The following CADPS variants were observed in gnomAD, a reference collection of about 807,000 sequenced individuals.
The protein encoded by CADPS is calcium dependent secretion activator.
Under a neutral mutation model 167.3 loss-of-function variants are expected in CADPS, and 57 were observed. The observed-to-expected ratio is 0.34, with a 90% confidence interval of 0.28 to 0.42. CADPS has a LOEUF of 0.42. CADPS is among the 20% of genes least tolerant of loss of function. The probability of loss-of-function intolerance (pLI) is 1.00; values close to 1 mark genes in which losing one functional copy is unlikely to be tolerated. For synonymous variants in CADPS, 676 were observed against 635.3 expected, an observed-to-expected ratio of 1.06 and a Z score of -0.96; for missense variants, 1,414 against 1,738.1, an observed-to-expected ratio of 0.81 and a Z score of 3.32.
intron 3 of CADPS, among the ~76,000 whole-genome samples, chr3:62,711,640 G>T (rs1317466985): frequency 1.3e-5 from 2 of 152,200 alleles, no homozygotes; most frequent in Non-Finnish European, 2.9e-5. Flanking sequence ...AGGCTGAAGT[G>T]ATTGTCCACT....
chr3:62,816,849 C>G (rs1385741811), intron 1 of CADPS, among the ~76,000 whole-genome samples: 1 of 152,148 alleles, frequency 6.6e-6, no homozygotes, highest in Non-Finnish European at 1.5e-5. Flanking sequence ...TCTCTTTAGT[C>G]CACAGTGACA....
At chr3:62,583,086 T>A (rs2083772066) in intron 8 of CADPS, among the ~76,000 whole-genome samples, 1 of 151,930 alleles carries the variant, frequency 6.6e-6, no homozygotes, top group Non-Finnish European at 1.5e-5. Context: ...AAAAAGCACT[T>A]TAGAGGACAG....
intron 8 of CADPS, among the ~76,000 whole-genome samples, chr3:62,573,206 C>T (rs2081605552): frequency 6.6e-6 from 1 of 152,150 alleles, no homozygotes; most frequent in Non-Finnish European, 1.5e-5. Flanking sequence ...TAAATCTTCC[C>T]TAGAGTACCT....
At chr3:62,839,287 C>T (rs762456060) in intron 1 of CADPS, among the ~76,000 whole-genome samples, 14 of 152,008 alleles carry the variant, frequency 9.2e-5, no homozygotes, top group Non-Finnish European at 1.3e-4. Flanking sequence ...CTCTGCCTCC[C>T]GGGTTTAAGC....
chr3:62,603,060 G>A (rs751087286), intron 6 of CADPS, among the ~76,000 whole-genome samples: 5 of 152,306 alleles, frequency 3.3e-5, no homozygotes, highest in Non-Finnish European at 5.9e-5. Context: ...ACTTCACCAC[G>A]AAGCAATTGT....
chr3:62,817,338 C>T lies in CADPS; in HGVS notation c.442-51354G>A, dbSNP rs117145929. On this transcript the variant is annotated intron_variant, in intron 1 of 29. Coordinates refer to ENST00000383710, the MANE Select transcript of CADPS (RefSeq NM_003716.4). Reference sequence around the variant, plus strand: ...TCGCAAATCAATTTCAGCACACTTTCCTGAGGAAGAGGGAAGGGTCTCTGC... The same window carrying T: ...TCGCAAATCAATTTCAGCACACTTTTCTGAGGAAGAGGGAAGGGTCTCTGC... 2.6e-3 allele frequency among the ~76,000 whole-genome samples: 389 copies of T among 152,240 alleles called. 12 individuals are homozygous for T. In the East Asian group the frequency reaches 0.068, roughly 27 times the overall value.
At chr3:62,572,592 C>CACCTATTCTATGATTTACTTG (rs1440058777) in intron 8 of CADPS, among the ~76,000 whole-genome samples, 8 of 152,132 alleles carry the variant, frequency 5.3e-5, no homozygotes, top group African/African-American at 1.9e-4. Context: ...TCATTGGTCC[C>CACCTATTCTATGATTTACTTG]ACATCTGTTC....
intron 1 of CADPS, chr3:62,779,843 C>A (rs190483233): frequency 7.6e-5 from 18 of 235,488 alleles, no homozygotes; most frequent in Non-Finnish European, 1.1e-4. Flanking sequence ...TTTTAGAAGA[C>A]TAAACTGGGA....
At chr3:62,672,435 G>A (rs1306436850) in intron 3 of CADPS, among the ~76,000 whole-genome samples, 1 of 152,176 alleles carries the variant, frequency 6.6e-6, no homozygotes, top group Admixed American at 6.5e-5. Flanking sequence ...TCCCTTGGTA[G>A]TAAGAGCCTG....
chr3:62,399,478 T>C lies in CADPS; in HGVS notation c.3990A>G (p.Ser1330=). ...NRLTVEEATA[S]VSEGGGLQGI... ...CCTGCAGTCCCCCACCTTCACTCAC[T>C]GATGCTGTGGCTTCCTCCACAGTGA... Residue 1330 remains serine, a synonymous_variant, in exon 30 of 30, where the codon TCA becomes TCG. Transcript: ENST00000383710. The surrounding 1 kb of genome is among the most constrained non-coding windows in gnomAD (Gnocchi z 5.6). 6.2e-7 allele frequency: 1 copy of C among 1,614,200 alleles called. No homozygotes were observed.
chr3:62,794,889 C>T (rs2093283846), intron 1 of CADPS, among the ~76,000 whole-genome samples: 2 of 151,588 alleles, frequency 1.3e-5, no homozygotes, highest in South Asian at 4.2e-4. Flanking sequence ...TTGTCTTGCA[C>T]ATCAGTTTGG....
At chr3:62,828,420 G>A (rs920667683) in intron 1 of CADPS, among the ~76,000 whole-genome samples, 1 of 152,066 alleles carries the variant, frequency 6.6e-6, no homozygotes, top group Non-Finnish European at 1.5e-5. Flanking sequence ...CAAAAACGTG[G>A]AACTACTGAC....
chr3:62,440,752 A>G (rs2056162927), intron 27 of CADPS: 1 of 152,214 alleles, frequency 6.6e-6, no homozygotes, highest in South Asian at 2.1e-4. Flanking sequence ...AAAACTGTGC[A>G]GATAAGAGAG....
intron 3 of CADPS, among the ~76,000 whole-genome samples, chr3:62,688,026 C>G (rs1332068818): frequency 6.6e-6 from 1 of 152,048 alleles, no homozygotes; most frequent in East Asian, 1.9e-4. Flanking sequence ...TTGCTAGGTG[C>G]TCAATCATAT....
At chr3:62,453,511 C>T (rs2058324188) in intron 26 of CADPS, among the ~76,000 whole-genome samples, 1 of 152,128 alleles carries the variant, frequency 6.6e-6, no homozygotes, top group South Asian at 2.1e-4. Context: ...CCTAACAGAA[C>T]CAACACTCAA....
Position 62,446,941 on chromosome 3 carries a change from T to C in CADPS, c.3637-1144A>G, listed in dbSNP as rs1262347327. Among the ~76,000 whole-genome samples, 1 of 152,146 alleles carries C rather than the reference T, an allele frequency of 6.6e-6. No homozygotes were observed. The highest frequency in any genetic ancestry group is 1.5e-5 in the Non-Finnish European group (1 of 68,022). On this transcript the variant is annotated intron_variant, in intron 26 of 29. Coordinates refer to ENST00000383710, the MANE Select transcript of CADPS (RefSeq NM_003716.4). The surrounding 1 kb of genome is among the most constrained non-coding windows in gnomAD (Gnocchi z 4.9). ...TCTCAGCCAGGCTTCCTCCTGCAATTTGGCTGAGATCAATATTAGGAATCA... is the reference window on the plus strand; with the variant it reads ...TCTCAGCCAGGCTTCCTCCTGCAATCTGGCTGAGATCAATATTAGGAATCA...
intron 5 of CADPS, among the ~76,000 whole-genome samples, chr3:62,646,864 C>A (rs1579536153): frequency 6.6e-6 from 1 of 152,130 alleles, no homozygotes; most frequent in East Asian, 1.9e-4. Flanking sequence ...TCTGTACAGG[C>A]CAATATTATT....
chr3:62,468,560 A>G (rs1385092212), intron 24 of CADPS, among the ~76,000 whole-genome samples: 1 of 152,196 alleles, frequency 6.6e-6, no homozygotes, highest in Non-Finnish European at 1.5e-5. Flanking sequence ...CTTTCTCTTC[A>G]GGAGCTAGAA....
intron 13 of CADPS, among the ~76,000 whole-genome samples, chr3:62,521,728 G>A (rs1385598724): frequency 6.6e-6 from 1 of 152,176 alleles, no homozygotes; most frequent in Non-Finnish European, 1.5e-5. Context: ...TTGCTTTCAG[G>A]CTTTTTAGCA....
Sources: allele counts gnomAD v4.1 joint callset (sites outside exome capture counted in the v4.1 genomes callset), GRCh38; gene constraint gnomAD v4.1.1; non-coding constraint Gnocchi (gnomAD v3.1); transcripts MANE v1.5; gene names NCBI Gene and HGNC (gene_info 2026-07-23, HGNC 2026-07-21).